The following PDK3 variants were observed in gnomAD, a reference collection of about 807,000 sequenced individuals.
The protein encoded by PDK3 is pyruvate dehydrogenase kinase, isozyme 3.
PDK3 carries 12 observed loss-of-function variants against 32.0 expected under a neutral mutation model. The observed-to-expected ratio is 0.37, with a 90% CI of 0.24 to 0.61. The LOEUF (loss-of-function observed/expected upper bound fraction) is 0.61, where lower values mean the gene tolerates loss of function less well. Ranked by LOEUF, PDK3 falls within the 20% of genes least tolerant of loss-of-function variation. The pLI, the probability that PDK3 is intolerant of heterozygous loss-of-function variation, is 0.65. For missense variants in PDK3, 188 were observed against 316.9 expected, an observed-to-expected ratio of 0.59 and a Z score of 3.09; for synonymous variants, 122 against 116.3, an observed-to-expected ratio of 1.05 and a Z score of -0.31.
At chrX:24,494,514 G>GA (rs1040341710) in intron 1 of PDK3, among the ~76,000 whole-genome samples, 115 of 110,229 alleles carry the variant, frequency 1.0e-3, no homozygotes, top group African/African-American at 2.3e-3. Context: ...TTTGTGTTAA[G>GA]AAAAAAAAAC....
At chrX:24,467,048 AT>A (rs753010816) in intron 1 of PDK3, among the ~76,000 whole-genome samples, 1 of 112,020 alleles carries the variant, frequency 8.9e-6, no homozygotes, top group Non-Finnish European at 1.9e-5. Context: ...GCCAGCCAAA[AT>A]TTTGGTTAGT....
chrX:24,496,769 A>AT (rs1569221835), intron 2 of PDK3, among the ~76,000 whole-genome samples: 23 of 72,995 alleles, frequency 3.2e-4, no homozygotes, highest in Non-Finnish European at 3.7e-4. Context: ...CCTCAAAATA[A>AT]TCTTTTTTTT....
intron 1 of PDK3, among the ~76,000 whole-genome samples, chrX:24,469,544 A>G (rs1920972429): frequency 9.0e-6 from 1 of 110,550 alleles, no homozygotes; most frequent in Admixed American, 9.7e-5. Flanking sequence ...TGAGAGGCCA[A>G]GACAGAGGAT....
downstream of PDK3, among the ~76,000 whole-genome samples, chrX:24,537,178 C>T (rs1259327327): frequency 5.1e-5 from 5 of 97,979 alleles, no homozygotes; most frequent in African/African-American, 1.1e-4. Flanking sequence ...AGTGCAGTGG[C>T]GCAATCTCAG....
At chrX:24,476,649 A>G (rs1041709538) in intron 1 of PDK3, among the ~76,000 whole-genome samples, 1 of 111,796 alleles carries the variant, frequency 8.9e-6, no homozygotes, top group Non-Finnish European at 1.9e-5. Flanking sequence ...AGTGTGGGAC[A>G]TTTGTTATAA....
intron 6 of PDK3, among the ~76,000 whole-genome samples, chrX:24,523,727 G>A (rs1922454371): frequency 9.0e-6 from 1 of 111,656 alleles, no homozygotes; most frequent in Non-Finnish European, 1.9e-5. Flanking sequence ...GCAAAGCCCT[G>A]TTCGTTTAAG....
At chrX:24,548,067 C>T (rs1236567957) in exon 12 of PDK3, 1 of 112,037 alleles carries the variant, frequency 8.9e-6, no homozygotes, top group Non-Finnish European at 1.9e-5. Context: ...CAGGGAATAG[C>T]CTTTGATAAG....
chrX:24,470,889 T>C (rs1920984889), intron 1 of PDK3, among the ~76,000 whole-genome samples: 1 of 109,371 alleles, frequency 9.1e-6, no homozygotes, highest in African/African-American at 3.3e-5. Flanking sequence ...ATGACTTTTG[T>C]TATCTAGTTT....
At chrX:24,493,981 A>G (rs918628499) in intron 1 of PDK3, among the ~76,000 whole-genome samples, 3 of 111,775 alleles carry the variant, frequency 2.7e-5, no homozygotes, top group African/African-American at 9.8e-5. Flanking sequence ...TCCTCTTTTA[A>G]GTGGCCAGGT....
exon 12 of PDK3, among the ~76,000 whole-genome samples, chrX:24,543,430 GTTTTA>G (rs1922932153): frequency 9.0e-6 from 1 of 110,758 alleles, no homozygotes; most frequent in African/African-American, 3.3e-5. Flanking sequence ...TTCTGTTACA[GTTTTA>G]TTTATTTTAT....
At chrX:24,486,495 G>C (rs185541741) in intron 1 of PDK3, among the ~76,000 whole-genome samples, 32 of 111,738 alleles carry the variant, frequency 2.9e-4, no homozygotes, top group African/African-American at 9.7e-4. Context: ...GCATCTGTGA[G>C]TATCATAATA....
intron 1 of PDK3, among the ~76,000 whole-genome samples, chrX:24,488,751 G>A (rs1438029614): frequency 8.9e-6 from 1 of 111,959 alleles, no homozygotes; most frequent in East Asian, 2.8e-4. Context: ...GTCAAACTTA[G>A]GAGAAAAACA....
At chrX:24,470,923 T>G (rs1453171751) in intron 1 of PDK3, among the ~76,000 whole-genome samples, 1 of 109,962 alleles carries the variant, frequency 9.1e-6, no homozygotes, top group African/African-American at 3.3e-5. Context: ...ACTTTAATAA[T>G]TCCTTCTGGT....
intron 6 of PDK3, among the ~76,000 whole-genome samples, chrX:24,524,059 A>G (rs1002795578): frequency 8.9e-6 from 1 of 112,372 alleles, no homozygotes; most frequent in African/African-American, 3.2e-5. Context: ...TTTCAAACCT[A>G]GAATTCTCTA....
At chrX:24,494,421 T>A (rs983107035) in intron 1 of PDK3, among the ~76,000 whole-genome samples, 4 of 112,242 alleles carry the variant, frequency 3.6e-5, no homozygotes, top group Non-Finnish European at 7.5e-5. Context: ...ACTTGGCAGT[T>A]TTCCCATGGT....
intron 3 of PDK3, among the ~76,000 whole-genome samples, chrX:24,499,622 A>G (rs1057310942): frequency 1.8e-5 from 2 of 112,114 alleles, no homozygotes; most frequent in Non-Finnish European, 3.8e-5. Context: ...TAGATGTTCC[A>G]TAAGAAGAAC....
intron 1 of PDK3, among the ~76,000 whole-genome samples, chrX:24,480,844 C>A (rs1294822527): frequency 2.7e-5 from 3 of 111,485 alleles, no homozygotes; most frequent in African/African-American, 9.8e-5. Flanking sequence ...GTATGCTAGT[C>A]AGAAGGATGA....
At chrX:24,512,286 G>A (rs1166082104) in intron 5 of PDK3, among the ~76,000 whole-genome samples, 3 of 112,076 alleles carry the variant, frequency 2.7e-5, no homozygotes, top group African/African-American at 6.5e-5. Flanking sequence ...AATACTTGGT[G>A]TAAAAATCGA....
chrX:24,546,515 A>T (rs1329862817), exon 12 of PDK3: 1 of 112,016 alleles, frequency 8.9e-6, no homozygotes, highest in Non-Finnish European at 1.9e-5. Context: ...AAAGGAAAAT[A>T]AAATGACAAC....
Sources: allele counts gnomAD v4.1 joint callset (sites outside exome capture counted in the v4.1 genomes callset), GRCh38; gene constraint gnomAD v4.1.1; transcripts MANE v1.5; gene names NCBI Gene and HGNC (gene_info 2026-07-23, HGNC 2026-07-21).